Variants in RAP1GDS1 observed in about 807,000 individuals in gnomAD.
RAP1GDS1 encodes Rap1 GTPase-GDP dissociation stimulator 1.
In RAP1GDS1, 35 loss-of-function variants were observed where a neutral mutation model predicts 71.1. The observed-to-expected ratio is 0.49, with a 90% CI of 0.38 to 0.65. The LOEUF (loss-of-function observed/expected upper bound fraction) is 0.65, where lower values mean the gene tolerates loss of function less well. RAP1GDS1 is among the 30% of genes least tolerant of loss of function. RAP1GDS1 has a pLI of 0.00. For synonymous variants in RAP1GDS1, 229 were observed against 243.1 expected (o/e 0.94, Z 0.54); for missense variants, 663 against 706.1 (o/e 0.94, Z 0.69).
At chr4:98,411,761 A>G (rs966962905) in intron 7 of RAP1GDS1, among the ~76,000 whole-genome samples, 1 of 152,200 alleles carries the variant, frequency 6.6e-6, no homozygotes, top group Non-Finnish European at 1.5e-5. Flanking sequence ...AATTCTTTGC[A>G]TGTATCATCC....
intron 2 of RAP1GDS1, among the ~76,000 whole-genome samples, chr4:98,313,767 G>A (rs1200843179): frequency 1.3e-5 from 2 of 151,914 alleles, no homozygotes; most frequent in Admixed American, 6.6e-5. Flanking sequence ...GGATCACTTC[G>A]GCCCAGGAGG....
At chr4:98,315,064 C>G (rs1730749220) in intron 2 of RAP1GDS1, among the ~76,000 whole-genome samples, 1 of 152,108 alleles carries the variant, frequency 6.6e-6, no homozygotes, top group African/African-American at 2.4e-5. Flanking sequence ...CATATTCCTT[C>G]CTTGTAGAAT....
intron 2 of RAP1GDS1, among the ~76,000 whole-genome samples, chr4:98,300,402 CTTTT>C (rs59924491): frequency 1.4e-5 from 2 of 144,492 alleles, no homozygotes; most frequent in African/African-American, 5.0e-5. Flanking sequence ...GTAGACAGAA[CTTTT>C]TTTTTTTTTT....
intron 4 of RAP1GDS1, among the ~76,000 whole-genome samples, chr4:98,378,416 A>G (rs996855314): frequency 7.2e-5 from 11 of 151,898 alleles, no homozygotes; most frequent in African/African-American, 2.7e-4. Context: ...TCAAGAATGA[A>G]AAAAGGGAAC....
At chr4:98,352,449 T>G (rs1737353507) in intron 3 of RAP1GDS1, 27 bp from the exon 4 acceptor site, 1 of 1,606,510 alleles carries the variant, frequency 6.2e-7, no homozygotes. Context: ...CGTTAGATTT[T>G]TAATTAAACA....
chr4:98,389,796 T>C (rs1200025374), intron 5 of RAP1GDS1, among the ~76,000 whole-genome samples: 2 of 152,186 alleles, frequency 1.3e-5, no homozygotes, highest in African/African-American at 4.8e-5. Context: ...GTGATAGATA[T>C]GCCAAGTTAG....
In RAP1GDS1 at chr4:98,437,037, C is replaced by T. The variant is rs1162839773; in HGVS notation, c.1665C>T (p.Ser555=). Residue 555 remains serine (S), a synonymous_variant, in exon 14 of 15, where the codon TCC becomes TCT. Coordinates refer to ENST00000408927, the MANE Select transcript of RAP1GDS1 (RefSeq NM_001100427.2). ...ERSAPEIKYN[S]MVLICALMGS... ...GTGCTCCTGAAATCAAATATAATTC[C>T]ATGGTCCTGATATGTGCTCTTATGG... 1 of 1,612,116 alleles carries T rather than the reference C, an allele frequency of 6.2e-7. No homozygotes were observed. The highest frequency in any genetic ancestry group is 1.3e-5 in the African/African-American group (1 of 74,840).
chr4:98,297,668 C>T (rs1349362937), intron 2 of RAP1GDS1, among the ~76,000 whole-genome samples: 1 of 152,142 alleles, frequency 6.6e-6, no homozygotes, highest in Non-Finnish European at 1.5e-5. Context: ...CTATGCCGTA[C>T]CCCCTACTCC....
chr4:98,391,376 G>A (rs140277673), intron 5 of RAP1GDS1, among the ~76,000 whole-genome samples: 178 of 152,064 alleles, frequency 1.2e-3, no homozygotes, highest in African/African-American at 4.0e-3. Flanking sequence ...AAATATTTTA[G>A]GTAACTTTTT....
chr4:98,293,103 A>C (rs900205575), intron 1 of RAP1GDS1, among the ~76,000 whole-genome samples: 6 of 152,210 alleles, frequency 3.9e-5, no homozygotes, highest in African/African-American at 1.4e-4. Context: ...TCTAAGCCAT[A>C]GATGCTTTCC....
chr4:98,328,654 C>T (rs1733498712), intron 2 of RAP1GDS1, among the ~76,000 whole-genome samples: 1 of 152,040 alleles, frequency 6.6e-6, no homozygotes, highest in South Asian at 2.1e-4. Flanking sequence ...TTTTAATAAA[C>T]ATAACTTTCT....
chr4:98,425,665 C>T (rs1352360338), intron 12 of RAP1GDS1, among the ~76,000 whole-genome samples: 1 of 152,144 alleles, frequency 6.6e-6, no homozygotes, highest in Non-Finnish European at 1.5e-5. Context: ...CCTTGTCCAA[C>T]AGGAAAATAT....
intron 4 of RAP1GDS1, among the ~76,000 whole-genome samples, chr4:98,362,992 G>A (rs947323331): frequency 2.6e-5 from 4 of 152,040 alleles, no homozygotes; most frequent in Admixed American, 1.3e-4. Flanking sequence ...CACAGGAGGA[G>A]GTAGATAATA....
intron 14 of RAP1GDS1, among the ~76,000 whole-genome samples, chr4:98,437,784 T>A (rs1323432968): frequency 6.1e-5 from 9 of 146,348 alleles, no homozygotes; most frequent in African/African-American, 2.0e-4. Context: ...AGAACAAGAC[T>A]CTGTCTCAAA....
At chr4:98,292,569 G>GAA (rs537889890) in intron 1 of RAP1GDS1, among the ~76,000 whole-genome samples, 1 of 131,578 alleles carries the variant, frequency 7.6e-6, no homozygotes, top group Admixed American at 7.6e-5. Flanking sequence ...TATAATAAAA[G>GAA]AAAAAAAAAA....
At chr4:98,345,502 C>A (rs1041913679) in intron 3 of RAP1GDS1, among the ~76,000 whole-genome samples, 1 of 151,986 alleles carries the variant, frequency 6.6e-6, no homozygotes, top group Non-Finnish European at 1.5e-5. Flanking sequence ...ATTTTTTAGA[C>A]CTTTTAAATG....
intron 4 of RAP1GDS1, among the ~76,000 whole-genome samples, chr4:98,376,156 G>T (rs1741152745): frequency 6.6e-6 from 1 of 152,104 alleles, no homozygotes; most frequent in Non-Finnish European, 1.5e-5. Flanking sequence ...GGACTTTAAA[G>T]AGTGGGCTGC....
intron 14 of RAP1GDS1, among the ~76,000 whole-genome samples, chr4:98,439,396 A>C (rs933191116): frequency 6.6e-6 from 1 of 152,042 alleles, no homozygotes; most frequent in Non-Finnish European, 1.5e-5. Flanking sequence ...CTTGGCATGG[A>C]TTTCTTTGGG....
At position 98,435,633 on chromosome 4, in the gene RAP1GDS1, T is replaced by TA. The variant is rs565849558; in HGVS notation, c.1568-1306dup. Among the ~76,000 whole-genome samples, 15 of 152,258 alleles carry TA rather than the reference T, an allele frequency of 9.9e-5. No homozygotes were observed. In the South Asian group the frequency reaches 1.9e-3, roughly 19 times the overall value. The stretch of plus-strand genomic sequence containing the variant: ...TAATTGGACCCACACAGTTCAAACT[T>TA]ACGTTGTTCAAGGGTCAACTGTATA... On this transcript the variant is annotated intron_variant, in intron 13 of 14. Coordinates refer to ENST00000408927, the MANE Select transcript of RAP1GDS1 (RefSeq NM_001100427.2).
Sources: gnomAD v4.1 joint callset for allele counts (sites outside exome capture counted in the v4.1 genomes callset) on GRCh38, gnomAD v4.1.1 for gene constraint, MANE v1.5 for transcripts, NCBI Gene and HGNC (gene_info 2026-07-23, HGNC 2026-07-21) for gene names.